POM121: variants seen among roughly 807,000 people sequenced by gnomAD.
POM121 encodes the protein nuclear envelope pore membrane protein POM 121.
Under a neutral mutation model 81.3 loss-of-function variants are expected in POM121, and 32 were observed. The observed-to-expected ratio is 0.39, with a 90% confidence interval of 0.30 to 0.53. POM121 has a LOEUF of 0.53. Ranked by LOEUF, POM121 falls within the 20% of genes least tolerant of loss-of-function variation. The pLI is 0.66. For synonymous variants in POM121, 514 were observed against 694.2 expected, an observed-to-expected ratio of 0.74 and a Z score of 4.08; for missense variants, 1,138 against 1,614.6, an observed-to-expected ratio of 0.70 and a Z score of 5.06.
At chr7:72,892,408 T>G (rs1468574178) in intron 3 of POM121, among the ~76,000 whole-genome samples, 2 of 152,168 alleles carry the variant, frequency 1.3e-5, no homozygotes, top group African/African-American at 2.4e-5. Context: ...CACCTCCCAG[T>G]ATTTGATTGT....
chr7:72,880,546 A>C (rs1790035206), intron 1 of POM121, among the ~76,000 whole-genome samples: 1 of 152,092 alleles, frequency 6.6e-6, no homozygotes, highest in Admixed American at 6.5e-5. Context: ...GAGAGCTCAC[A>C]TACTCAATTC....
Position 72,917,919 on chromosome 7 carries a change from G to A in POM121, c.-152+4091G>A, listed in dbSNP as rs1187137396. 2.2e-4 allele frequency among the ~76,000 whole-genome samples: 33 copies of A among 152,364 alleles called. 1 individual carries two copies. Among genetic ancestry groups the A allele is most frequent in the African/African-American group, 7.7e-4 (32 of 41,586 alleles). ...CATCTCCAATGATAGGTAAGGTCAC[G>A]TGGGTCACATGTCCACTGGACAGGG... On this transcript the variant is annotated intron_variant, in intron 4 of 15. Coordinates refer to the POM121 transcript ENST00000395270.
At chr7:72,906,972 T>A (rs1165237251) in intron 3 of POM121, among the ~76,000 whole-genome samples, 2 of 152,106 alleles carry the variant, frequency 1.3e-5, no homozygotes, top group African/African-American at 4.8e-5. Flanking sequence ...CCTTTTTGAT[T>A]GCTGTGTTTA....
intron 10 of POM121, among the ~76,000 whole-genome samples, chr7:72,941,545 A>G (rs1448620677): frequency 6.7e-6 from 1 of 149,098 alleles, no homozygotes; most frequent in East Asian, 2.0e-4. Context: ...CAAATAAAGT[A>G]TATCTAGATT....
intron 5 of POM121, among the ~76,000 whole-genome samples, chr7:72,934,638 AC>A: frequency 6.6e-6 from 1 of 152,114 alleles, no homozygotes; most frequent in Non-Finnish European, 1.5e-5. Context: ...TCCATAAACC[AC>A]CTGAAATTAA....
chr7:72,949,350 G>C (rs199657669), downstream of POM121: 19 of 806,294 alleles, frequency 2.4e-5, 1 homozygote, highest in East Asian at 4.4e-4. Flanking sequence ...GGACATAGTG[G>C]ACCTCACGAT....
chr7:72,910,469 TC>T (rs1793698194), intron 3 of POM121, among the ~76,000 whole-genome samples: 1 of 152,124 alleles, frequency 6.6e-6, no homozygotes, highest in South Asian at 2.1e-4. Context: ...TTCTAGCTCC[TC>T]ACTGTCTTTG....
Position 72,942,209 on chromosome 7 carries a change from A to C in POM121, c.2216A>C (p.Glu739Ala). 6.2e-7 allele frequency: 1 copy of C among 1,610,030 alleles called. No homozygotes were observed. The highest frequency in any genetic ancestry group is 8.5e-7 in the Non-Finnish European group (1 of 1,179,848). Residue 739 changes from glutamate (E) to alanine (A), a missense_variant, in exon 11 of 13, where the codon GAG becomes GCG. Transcript: ENST00000434423. Reference sequence around the variant, plus strand: ...ATTTTCACGGCTCCACCCAAGAGTGAGAAGGAAGGCCCCACACCGCCTGGC... The same window carrying C: ...ATTTTCACGGCTCCACCCAAGAGTGCGAAGGAAGGCCCCACACCGCCTGGC... ...KPIFTAPPKS[E>A]KEGPTPPGPS...
In POM121 at chr7:72,925,308, A is replaced by C; in HGVS notation, c.187A>C (p.Thr63Pro). The C allele has an allele frequency of 6.5e-7, 1 of 1,534,280 alleles. No homozygotes were observed. The highest frequency in any genetic ancestry group is 8.7e-7 in the Non-Finnish European group (1 of 1,146,452). ...AALAWLTVGA[T>P]AAWWGLSREP... ...ACTGGCCTGGCTGACCGTGGGGGCT[A>C]CCGCGGCCTGGTGGGGACTGAGCCG... The change falls in exon 1 of 13, where the codon ACC (threonine) becomes CCC (proline). Residue 63 changes from threonine to proline, a missense_variant. Coordinates refer to ENST00000434423, the MANE Select transcript of POM121 (RefSeq NM_001387691.1).
intron 5 of POM121, among the ~76,000 whole-genome samples, chr7:72,936,680 A>G (rs1174985386): frequency 2.0e-5 from 3 of 152,176 alleles, no homozygotes; most frequent in Non-Finnish European, 4.4e-5. Context: ...CTGAAGTGCT[A>G]GGATTACAGG....
At chr7:72,891,455 G>A (rs1158919771) in intron 3 of POM121, among the ~76,000 whole-genome samples, 28 of 152,122 alleles carry the variant, frequency 1.8e-4, no homozygotes, top group Non-Finnish European at 3.7e-4. Context: ...CACCCAGGCT[G>A]GTGTGCACTG....
At chr7:72,948,342 C>T (rs781859713), downstream of POM121, 5 of 1,609,164 alleles carry the variant, frequency 3.1e-6, no homozygotes, top group African/African-American at 2.7e-5. Context: ...CACTTTTGCT[C>T]ACCAGCAAGA....
At chr7:72,914,654 G>A (rs1460175668) in intron 4 of POM121, among the ~76,000 whole-genome samples, 1 of 152,084 alleles carries the variant, frequency 6.6e-6, no homozygotes, top group Non-Finnish European at 1.5e-5. Flanking sequence ...GAGCACAGGC[G>A]TGAGCCACCA....
chr7:72,921,798 T>C (rs1794839682), upstream of POM121, among the ~76,000 whole-genome samples: 1 of 152,208 alleles, frequency 6.6e-6, no homozygotes. Flanking sequence ...TCAGCTGCTT[T>C]ATAGTATTTT....
At chr7:72,886,012 A>G (rs1790666004) in intron 1 of POM121, among the ~76,000 whole-genome samples, 1 of 152,142 alleles carries the variant, frequency 6.6e-6, no homozygotes, top group South Asian at 2.1e-4. Flanking sequence ...CTTAAGTAAT[A>G]TCCATTTTTC....
At chr7:72,887,194 T>G (rs1158351211) in intron 1 of POM121, among the ~76,000 whole-genome samples, 10 of 152,218 alleles carry the variant, frequency 6.6e-5, no homozygotes, top group Non-Finnish European at 1.2e-4. Flanking sequence ...TATTGTACTA[T>G]CTGTAGAAGG....
In POM121 at chr7:72,881,332, G is replaced by A. The variant is rs1351612286; in HGVS notation, c.-521+1447G>A. 4.7e-5 allele frequency among the ~76,000 whole-genome samples: 7 copies of A among 150,056 alleles called. No individual in the cohort carries two copies. The Middle Eastern group carries it at 0.01, about 220-fold the overall frequency. The stretch of plus-strand genomic sequence containing the variant: ...TTGAGACCAGCCTGGCCAACATGGC[G>A]AAACCCTGTATCACTCTTTTAGACC... On this transcript the variant is annotated intron_variant, in intron 1 of 15. Coordinates refer to the POM121 transcript ENST00000395270.
intron 3 of POM121, among the ~76,000 whole-genome samples, chr7:72,898,925 AG>A (rs1792257315): frequency 6.8e-6 from 1 of 147,548 alleles, no homozygotes; most frequent in East Asian, 2.0e-4. Flanking sequence ...GAGTTCTTTG[AG>A]AGGAGAGGCT....
In POM121 at chr7:72,946,588, T is replaced by A. The variant is rs1351976506; in HGVS notation, c.*354T>A. 3 of 1,039,904 alleles carry A rather than the reference T, an allele frequency of 2.9e-6. No homozygotes were observed. The highest frequency in any genetic ancestry group is 3.5e-6 in the Non-Finnish European group (3 of 865,248). 64.4% of individuals were successfully genotyped at this position (1,039,904 alleles called of 1,614,324 possible). A position where few individuals can be genotyped will look rare whatever the true frequency, so the allele number is the denominator to read the frequency against. On this transcript the variant is annotated 3_prime_UTR_variant, in exon 13 of 13. Coordinates refer to ENST00000434423, the MANE Select transcript of POM121 (RefSeq NM_001387691.1). ...CTTCCACCTTTCCCCGAGACCGTCG[T>A]CGCTGGAGGGGGCAGGGTCCAGCCC... is the stretch of plus-strand genomic sequence containing the variant.
Sources: allele counts gnomAD v4.1 joint callset (sites outside exome capture counted in the v4.1 genomes callset), GRCh38; gene constraint gnomAD v4.1.1; transcripts MANE v1.5; gene names NCBI Gene and HGNC (gene_info 2026-07-23, HGNC 2026-07-21).